Variants in TSHZ2 observed in about 807,000 individuals in gnomAD.
TSHZ2 encodes teashirt zinc finger homeobox 2.
Under a neutral mutation model 74.4 loss-of-function variants are expected in TSHZ2, and 21 were observed. The ratio of observed to expected loss-of-function variants is 0.28; its 90% CI spans 0.20 to 0.41. The LOEUF (loss-of-function observed/expected upper bound fraction) is 0.41, where lower values mean the gene tolerates loss of function less well. TSHZ2 is among the 10% of genes least tolerant of loss of function. TSHZ2 has a pLI of 1.00. For synonymous variants in TSHZ2, 540 were observed against 515.3 expected, an observed-to-expected ratio of 1.05 and a Z score of -0.65; for missense variants, 1,244 against 1,293.5, an observed-to-expected ratio of 0.96 and a Z score of 0.59.
rs1047022011 is a variant in TSHZ2, at chr20:52,986,202, C to A, written c.40+12869C>A. 4.6e-5 allele frequency among the ~76,000 whole-genome samples: 7 copies of A among 150,974 alleles called. No homozygotes were observed. The East Asian group carries it at 1.4e-3, about 29-fold the overall frequency. On this transcript the variant is annotated intron_variant, in intron 1 of 2. Transcript: ENST00000371497. ...GTTGGGAGTTCGAGACCAGCCTGACCAACATGGCGAAACCCCGTCTCTACT... is the reference window on the plus strand; with the variant it reads ...GTTGGGAGTTCGAGACCAGCCTGACAAACATGGCGAAACCCCGTCTCTACT...
intron 1 of TSHZ2, among the ~76,000 whole-genome samples, chr20:53,175,816 C>G (rs1988324016): frequency 6.6e-6 from 1 of 152,200 alleles, no homozygotes; most frequent in South Asian, 2.1e-4. Flanking sequence ...AGACTGACTT[C>G]CCCCAACCTT....
rs538898743 is a variant in TSHZ2, at chr20:52,989,572, T to G, written c.40+16239T>G. Among the ~76,000 whole-genome samples the G allele has an allele frequency of 1.6e-3, 244 of 152,314 alleles. 1 individual carries two copies. Among genetic ancestry groups the G allele is most frequent in the Non-Finnish European group, 2.8e-3 (189 of 67,998 alleles). ...GTGCCTCACTCCTGTAAAATAGGCA[T>G]AAGGAGAGTTCTTACTTCCATGCAC... is the stretch of plus-strand genomic sequence containing the variant. On this transcript the variant is annotated intron_variant, in intron 1 of 2. Coordinates refer to ENST00000371497, the MANE Select transcript of TSHZ2 (RefSeq NM_173485.6).
At chr20:53,328,746 A>T (rs942075125) in intron 2 of TSHZ2, among the ~76,000 whole-genome samples, 20 of 152,196 alleles carry the variant, frequency 1.3e-4, no homozygotes, top group Non-Finnish European at 2.8e-4. Flanking sequence ...TCTAATTTTT[A>T]TCATTAAGAT....
At chr20:53,073,758 T>TA (rs796957656) in intron 1 of TSHZ2, among the ~76,000 whole-genome samples, 2,454 of 147,156 alleles carry the variant, frequency 0.017, 56 homozygotes, top group African/African-American at 0.049. Context: ...TCCGTCAAGT[T>TA]AAAAAAAAAA....
chr20:53,274,510 A>G (rs1990901919), intron 2 of TSHZ2, among the ~76,000 whole-genome samples: 1 of 152,182 alleles, frequency 6.6e-6, no homozygotes, highest in South Asian at 2.1e-4. Flanking sequence ...AAAATGATTT[A>G]GTGACCTTTT....
chr20:53,438,565 G>A (rs1984185761), intron 2 of TSHZ2, among the ~76,000 whole-genome samples: 1 of 152,196 alleles, frequency 6.6e-6, no homozygotes, highest in African/African-American at 2.4e-5. Flanking sequence ...CATGCTGATT[G>A]GCCAGACTTG....
chr20:53,476,394 G>A (rs1281041350), intron 2 of TSHZ2, among the ~76,000 whole-genome samples: 2 of 151,600 alleles, frequency 1.3e-5, no homozygotes, highest in Non-Finnish European at 2.9e-5. Flanking sequence ...TATAAACAGA[G>A]CCAAAGACAA....
At chr20:53,049,316 A>T (rs989025392) in intron 1 of TSHZ2, among the ~76,000 whole-genome samples, 33 of 151,698 alleles carry the variant, frequency 2.2e-4, no homozygotes, top group African/African-American at 8.0e-4. Flanking sequence ...ACATGTTCTG[A>T]CTGGGCCCCC....
At chr20:53,360,999 A>C (rs572306331) in intron 2 of TSHZ2, among the ~76,000 whole-genome samples, 1 of 152,066 alleles carries the variant, frequency 6.6e-6, no homozygotes, top group African/African-American at 2.4e-5. Flanking sequence ...TTTCTTTTGA[A>C]CCAGTGAAGC....
rs949691861 is a variant in TSHZ2 at position 53,480,672 on chromosome 20, C to A, written c.*9-6472C>A. Among the ~76,000 whole-genome samples, 4 of 152,270 alleles carry A rather than the reference C, an allele frequency of 2.6e-5. No homozygotes were observed. The South Asian group carries it at 8.3e-4, about 32-fold the overall frequency. ...ATTGCAAGGAGCCTCACGTTCCCAG[C>A]CCCTAACCACTAAATGCCAGCAGTG... On this transcript the variant is annotated intron_variant, in intron 2 of 2. Coordinates refer to ENST00000371497, the MANE Select transcript of TSHZ2 (RefSeq NM_173485.6).
At chr20:53,309,088 C>A (rs1392920469) in intron 2 of TSHZ2, among the ~76,000 whole-genome samples, 1 of 152,190 alleles carries the variant, frequency 6.6e-6, no homozygotes, top group Non-Finnish European at 1.5e-5. Context: ...ATCACACCAC[C>A]CCCGAAAATG....
intron 1 of TSHZ2, among the ~76,000 whole-genome samples, chr20:53,192,323 GC>G (rs1988755717): frequency 6.6e-6 from 1 of 151,350 alleles, no homozygotes; most frequent in Admixed American, 6.6e-5. Flanking sequence ...AAACAACTTT[GC>G]TTGTGCATGT....
At chr20:53,421,928 G>A (rs936281797) in intron 2 of TSHZ2, among the ~76,000 whole-genome samples, 4 of 151,746 alleles carry the variant, frequency 2.6e-5, no homozygotes, top group Non-Finnish European at 2.9e-5. Flanking sequence ...TGATCCACCC[G>A]CCTCGGCCTC....
At chr20:53,264,294 G>A (rs1469824693) in intron 2 of TSHZ2, among the ~76,000 whole-genome samples, 1 of 152,220 alleles carries the variant, frequency 6.6e-6, no homozygotes, top group Non-Finnish European at 1.5e-5. Flanking sequence ...CAGGTAGCAG[G>A]TAGCAGGTAG....
At chr20:53,016,803 G>A (rs1289584512) in intron 1 of TSHZ2, among the ~76,000 whole-genome samples, 2 of 152,138 alleles carry the variant, frequency 1.3e-5, no homozygotes, top group Admixed American at 1.3e-4. Context: ...GCCATTAGTT[G>A]AGGGTGGTGG....
chr20:53,241,654 G>T (rs6022352), intron 1 of TSHZ2, among the ~76,000 whole-genome samples: 21,337 of 152,034 alleles, frequency 0.14, 2,107 homozygotes, highest in African/African-American at 0.28. Flanking sequence ...TTTTGTTCTT[G>T]TGATGGTAAT....
At chr20:53,109,899 C>T (rs1303423867) in intron 1 of TSHZ2, among the ~76,000 whole-genome samples, 2 of 152,222 alleles carry the variant, frequency 1.3e-5, no homozygotes, top group Non-Finnish European at 2.9e-5. Context: ...CAGCTCAGCT[C>T]AGCTCAGCTC....
At chr20:53,380,326 T>C (rs1225150557) in intron 2 of TSHZ2, among the ~76,000 whole-genome samples, 1 of 152,210 alleles carries the variant, frequency 6.6e-6, no homozygotes, top group African/African-American at 2.4e-5. Context: ...CAGAGTCTTA[T>C]ATAAAGCAAA....
At chr20:53,394,691 A>G (rs1286335872) in intron 2 of TSHZ2, among the ~76,000 whole-genome samples, 2 of 150,874 alleles carry the variant, frequency 1.3e-5, no homozygotes, top group Admixed American at 6.6e-5. Flanking sequence ...TATAGCAATG[A>G]CAAACACACA....
Sources: allele counts gnomAD v4.1 joint callset (sites outside exome capture counted in the v4.1 genomes callset), GRCh38; gene constraint gnomAD v4.1.1; transcripts MANE v1.5; gene names NCBI Gene and HGNC (gene_info 2026-07-23, HGNC 2026-07-21).